Variants in RNF180 observed in about 807,000 individuals in gnomAD.
The protein encoded by RNF180 is E3 ubiquitin-protein ligase RNF180.
RNF180 carries 38 observed loss-of-function variants against 59.2 expected under a neutral mutation model. That is an observed-to-expected ratio of 0.64 (90% CI 0.50 to 0.84). RNF180 has a LOEUF of 0.84. Among genes scored for constraint, RNF180 ranks in the 40% least tolerant of loss-of-function variants. The pLI is 0.00. For synonymous variants in RNF180, 262 were observed against 240.3 expected (o/e 1.09, Z -0.84); for missense variants, 705 against 700.9 (o/e 1.01, Z -0.07).
chr5:64,179,876 G>A (rs1218597097), intron 1 of RNF180, among the ~76,000 whole-genome samples: 3 of 152,104 alleles, frequency 2.0e-5, no homozygotes, highest in Non-Finnish European at 4.4e-5. Flanking sequence ...GATTCTTCTT[G>A]TTGCTCCAGA....
rs1752763596 is a variant in RNF180, at chr5:64,218,821, A to C, written c.1227+1425A>C. Among the ~76,000 whole-genome samples the C allele has an allele frequency of 2.0e-5, 3 of 152,086 alleles. 1 individual carries two copies. The South Asian group carries it at 6.2e-4, about 32-fold the overall frequency. On this transcript the variant is annotated intron_variant, in intron 5 of 7. Coordinates refer to ENST00000389100, the MANE Select transcript of RNF180 (RefSeq NM_001113561.2). ...ACCAAGTATTTTTTCTTTTGAGAGG[A>C]GTTATTGTTATTTAAAATTTTTTTG... is the stretch of plus-strand genomic sequence containing the variant.
At chr5:64,215,502 T>C (rs1383606391) in intron 4 of RNF180, among the ~76,000 whole-genome samples, 3 of 152,196 alleles carry the variant, frequency 2.0e-5, no homozygotes, top group Admixed American at 1.3e-4. Flanking sequence ...TAATTATTTC[T>C]ATAGGTAATT....
At chr5:64,266,358 C>T (rs945847704) in intron 5 of RNF180, among the ~76,000 whole-genome samples, 9 of 152,020 alleles carry the variant, frequency 5.9e-5, no homozygotes, top group African/African-American at 2.2e-4. Context: ...ACACCAGGTT[C>T]ACATTTAAAT....
chr5:64,183,817 T>C (rs1356869752), intron 1 of RNF180, among the ~76,000 whole-genome samples: 1 of 152,204 alleles, frequency 6.6e-6, no homozygotes, highest in African/African-American at 2.4e-5. Flanking sequence ...AAACCACATA[T>C]GATGTCCTGA....
intron 5 of RNF180, among the ~76,000 whole-genome samples, chr5:64,246,685 A>AT (rs1743188567): frequency 6.6e-6 from 1 of 152,194 alleles, no homozygotes; most frequent in Non-Finnish European, 1.5e-5. Context: ...CAGAGGTACA[A>AT]AGAGGAGCTA....
At chr5:64,295,030 G>T (rs1375338407) in intron 5 of RNF180, among the ~76,000 whole-genome samples, 3 of 152,120 alleles carry the variant, frequency 2.0e-5, no homozygotes, top group Admixed American at 6.6e-5. Context: ...CATATGCTAT[G>T]TAATCTTTGT....
intron 5 of RNF180, among the ~76,000 whole-genome samples, chr5:64,303,854 G>A (rs1234265700): frequency 1.3e-5 from 2 of 151,632 alleles, no homozygotes; most frequent in Admixed American, 1.3e-4. Context: ...ACAGCCTTCT[G>A]TTGGAAGAAG....
chr5:64,302,276 A>T (rs1298108206), intron 5 of RNF180, among the ~76,000 whole-genome samples: 1 of 151,664 alleles, frequency 6.6e-6, no homozygotes, highest in African/African-American at 2.4e-5. Context: ...GCAATTTTGA[A>T]ATCCCACTGA....
intron 5 of RNF180, among the ~76,000 whole-genome samples, chr5:64,313,321 T>C (rs1163200786): frequency 6.6e-6 from 1 of 152,034 alleles, no homozygotes; most frequent in Non-Finnish European, 1.5e-5. Flanking sequence ...CCTTTACCCA[T>C]AAATAGGCTC....
intron 7 of RNF180, among the ~76,000 whole-genome samples, chr5:64,367,840 C>A (rs1746508527): frequency 6.6e-6 from 1 of 151,538 alleles, no homozygotes; most frequent in African/African-American, 2.4e-5. Flanking sequence ...TGTCCCTGTT[C>A]CCTAACATGA....
intron 5 of RNF180, among the ~76,000 whole-genome samples, chr5:64,310,543 CTGATA>C (rs1367239735): frequency 6.6e-6 from 1 of 150,814 alleles, no homozygotes; most frequent in Non-Finnish European, 1.5e-5. Context: ...AACCCTGTTA[CTGATA>C]TAACAGTTTT....
chr5:64,317,134 A>G (rs551312752), intron 5 of RNF180, among the ~76,000 whole-genome samples: 2 of 152,276 alleles, frequency 1.3e-5, no homozygotes, highest in African/African-American at 4.8e-5. Flanking sequence ...CATGTCAACT[A>G]TATATATGTG....
At chr5:64,300,611 G>A (rs1743111948) in intron 5 of RNF180, among the ~76,000 whole-genome samples, 1 of 151,622 alleles carries the variant, frequency 6.6e-6, no homozygotes, top group African/African-American at 2.4e-5. Context: ...CAGATAAGCG[G>A]GGGACTACTA....
chr5:64,305,113 A>C (rs552831059), intron 5 of RNF180, among the ~76,000 whole-genome samples: 1 of 151,866 alleles, frequency 6.6e-6, no homozygotes, highest in South Asian at 2.1e-4. Flanking sequence ...ACTACATTAT[A>C]GTGTAAACAT....
At chr5:64,247,369 G>A (rs753667720) in intron 5 of RNF180, among the ~76,000 whole-genome samples, 12 of 152,120 alleles carry the variant, frequency 7.9e-5, no homozygotes, top group Admixed American at 1.3e-4. Context: ...AAATCCCATC[G>A]TCTCAGCCCA....
At chr5:64,340,722 G>C (rs1745323255) in intron 7 of RNF180, among the ~76,000 whole-genome samples, 1 of 151,914 alleles carries the variant, frequency 6.6e-6, no homozygotes, top group Non-Finnish European at 1.5e-5. Flanking sequence ...TTCTGAACTT[G>C]TTCTTTTTAG....
chr5:64,234,381 G>A (rs1046732681), intron 5 of RNF180, among the ~76,000 whole-genome samples: 2 of 151,734 alleles, frequency 1.3e-5, no homozygotes, highest in South Asian at 2.1e-4. Context: ...CAGGAGAATC[G>A]CGTGAACCCG....
At chr5:64,177,543 ATATATATATATATATATATATATG>A (rs1750311633) in intron 1 of RNF180, among the ~76,000 whole-genome samples, 1 of 47,470 alleles carries the variant, frequency 2.1e-5, no homozygotes, top group African/African-American at 1.1e-4. Context: ...ATATATATAT[ATATATATATATATATATATATATG>A]TATTTATTTC....
intron 5 of RNF180, among the ~76,000 whole-genome samples, chr5:64,246,205 G>A (rs982163612): frequency 1.3e-5 from 2 of 152,086 alleles, no homozygotes; most frequent in Non-Finnish European, 2.9e-5. Context: ...ACAATTAAAA[G>A]TACTAGAGAA....
Sources: allele counts gnomAD v4.1 joint callset (sites outside exome capture counted in the v4.1 genomes callset), GRCh38; gene constraint gnomAD v4.1.1; transcripts MANE v1.5; gene names NCBI Gene and HGNC (gene_info 2026-07-23, HGNC 2026-07-21).